PABPC4L: variants seen among roughly 807,000 people sequenced by gnomAD.
PABPC4L encodes the protein poly(A) binding protein cytoplasmic 4 like.
For missense variants in PABPC4L, 452 were observed against 451.4 expected (o/e 1.00, Z -0.01); for synonymous variants, 169 against 164.1 (o/e 1.03, Z -0.23).
chr4:134,006,409 G>C, the PABPC4L span, among the ~76,000 whole-genome samples: 1 of 151,822 alleles, frequency 6.6e-6, no homozygotes, highest in Non-Finnish European at 1.5e-5. Context: ...TAAGAAAGTA[G>C]GGAAAATACC....
the PABPC4L span, among the ~76,000 whole-genome samples, chr4:134,154,409 T>A: frequency 1.3e-5 from 2 of 152,010 alleles, no homozygotes; most frequent in East Asian, 3.9e-4. Context: ...TGAGCTGAGA[T>A]CCTGCCACTG....
the PABPC4L span, among the ~76,000 whole-genome samples, chr4:134,151,432 TATA>T: frequency 2.6e-5 from 4 of 152,138 alleles, no homozygotes; most frequent in African/African-American, 9.6e-5. Flanking sequence ...ACGATCATAT[TATA>T]ATGTCTTAAG....
chr4:133,959,214 T>G, the PABPC4L span, among the ~76,000 whole-genome samples: 1 of 152,170 alleles, frequency 6.6e-6, no homozygotes, highest in Non-Finnish European at 1.5e-5. Context: ...TAGATAGTAA[T>G]CAGCAAGAGG....
the PABPC4L span, among the ~76,000 whole-genome samples, chr4:134,031,583 C>T: frequency 6.6e-6 from 1 of 151,848 alleles, no homozygotes; most frequent in African/African-American, 2.4e-5. Context: ...TATTTCTCAA[C>T]AACAAAACAG....
chr4:134,149,378 A>G, the PABPC4L span, among the ~76,000 whole-genome samples: 4 of 152,150 alleles, frequency 2.6e-5, no homozygotes, highest in African/African-American at 7.2e-5. Context: ...GAGGACTTTG[A>G]GGCTGGGGTT....
chr4:134,010,804 AT>A, the PABPC4L span: 2 of 152,130 alleles, frequency 1.3e-5, no homozygotes, highest in Non-Finnish European at 2.9e-5. Flanking sequence ...GAGGACTGCA[AT>A]TTTTTGAAGT....
the PABPC4L span, among the ~76,000 whole-genome samples, chr4:134,076,166 G>A: frequency 6.6e-6 from 1 of 151,974 alleles, no homozygotes; most frequent in Non-Finnish European, 1.5e-5. Flanking sequence ...GGAATTTAAA[G>A]CCATTTAAAA....
At chr4:134,179,595 G>C in the PABPC4L span, among the ~76,000 whole-genome samples, 3 of 152,030 alleles carry the variant, frequency 2.0e-5, no homozygotes, top group Non-Finnish European at 4.4e-5. Flanking sequence ...AGAGTGGCAA[G>C]CTGGATAAAA....
At chr4:133,995,951 A>G in the PABPC4L span, among the ~76,000 whole-genome samples, 1 of 152,054 alleles carries the variant, frequency 6.6e-6, no homozygotes, top group Non-Finnish European at 1.5e-5. Flanking sequence ...ATTCTTCTTC[A>G]TATCTCTTTA....
At chr4:134,103,662 A>G in the PABPC4L span, among the ~76,000 whole-genome samples, 2 of 151,758 alleles carry the variant, frequency 1.3e-5, no homozygotes, top group East Asian at 3.9e-4. Context: ...ATTTTGGGAG[A>G]CAACTCAGAC....
chr4:134,007,239 G>A, the PABPC4L span, among the ~76,000 whole-genome samples: 1 of 151,564 alleles, frequency 6.6e-6, no homozygotes, highest in Non-Finnish European at 1.5e-5. Context: ...ACTATATTTA[G>A]ACATTCATTC....
chr4:134,129,819 A>T, the PABPC4L span, among the ~76,000 whole-genome samples: 1 of 152,034 alleles, frequency 6.6e-6, no homozygotes, highest in Non-Finnish European at 1.5e-5. Flanking sequence ...CTGTAATCTC[A>T]GCACTTTGGG....
the PABPC4L span, among the ~76,000 whole-genome samples, chr4:134,142,555 A>C: frequency 6.6e-6 from 1 of 151,670 alleles, no homozygotes; most frequent in Non-Finnish European, 1.5e-5. Flanking sequence ...GAAATATTCT[A>C]TGCCTCATAT....
chr4:134,082,137 A>G, the PABPC4L span, among the ~76,000 whole-genome samples: 1 of 152,198 alleles, frequency 6.6e-6, no homozygotes, highest in Non-Finnish European at 1.5e-5. Context: ...ACATGATTCA[A>G]AAAGAATAAA....
At chr4:133,952,939 C>T in the PABPC4L span, among the ~76,000 whole-genome samples, 1 of 152,144 alleles carries the variant, frequency 6.6e-6, no homozygotes, top group Non-Finnish European at 1.5e-5. Flanking sequence ...GTTAACTTTT[C>T]CCTAGAATGT....
the PABPC4L span, among the ~76,000 whole-genome samples, chr4:133,969,517 A>G: frequency 1.3e-5 from 2 of 152,162 alleles, no homozygotes; most frequent in East Asian, 3.9e-4. Context: ...CCAGGCTTAC[A>G]TTATTCCATA....
At chr4:133,968,740 T>C in the PABPC4L span, among the ~76,000 whole-genome samples, 3 of 152,148 alleles carry the variant, frequency 2.0e-5, no homozygotes, top group Non-Finnish European at 4.4e-5. Context: ...GAAAAACTTA[T>C]AATGCTGGAG....
the PABPC4L span, among the ~76,000 whole-genome samples, chr4:134,055,857 G>A: frequency 6.6e-6 from 1 of 151,706 alleles, no homozygotes; most frequent in African/African-American, 2.4e-5. Context: ...TTTTTGTATG[G>A]ACCATGCTTT....
At chr4:133,987,150 G>GA in the PABPC4L span, among the ~76,000 whole-genome samples, 2 of 152,076 alleles carry the variant, frequency 1.3e-5, no homozygotes, top group Non-Finnish European at 2.9e-5. Context: ...TTTTGCTAGG[G>GA]ATTTGGTTTT....
Sources: allele counts gnomAD v4.1 joint callset (sites outside exome capture counted in the v4.1 genomes callset), GRCh38; gene constraint gnomAD v4.1.1; transcripts MANE v1.5; gene names NCBI Gene and HGNC (gene_info 2026-07-23, HGNC 2026-07-21).